LITAF: variants seen among roughly 807,000 people sequenced by gnomAD.
LITAF encodes lipopolysaccharide induced TNF factor.
A neutral mutation model predicts 14.5 loss-of-function variants in LITAF; 9 were observed. The observed-to-expected ratio is 0.62, with a 90% CI of 0.37 to 1.08. The LOEUF (loss-of-function observed/expected upper bound fraction) is 1.08, where lower values mean the gene tolerates loss of function less well. LITAF is among the 50% of genes least tolerant of loss of function. The pLI is 0.01. For synonymous variants in LITAF, 98 were observed against 88.2 expected (o/e 1.11, Z -0.62); for missense variants, 206 against 213.4 (o/e 0.97, Z 0.22).
At chr16:11,579,091 A>G (rs1308155205) in intron 1 of LITAF, among the ~76,000 whole-genome samples, 1 of 152,152 alleles carries the variant, frequency 6.6e-6, no homozygotes, top group Admixed American at 6.5e-5. Flanking sequence ...CGGGAGGCTG[A>G]GGCAGGAGAG....
intron 3 of LITAF, among the ~76,000 whole-genome samples, chr16:11,612,028 G>A (rs534870114): frequency 1.3e-5 from 2 of 152,258 alleles, no homozygotes; most frequent in South Asian, 2.1e-4. Flanking sequence ...CCCATCCAAC[G>A]CAACTTAATG....
chr16:11,629,916 A>G (rs1458425173), intron 3 of LITAF, among the ~76,000 whole-genome samples: 1 of 152,166 alleles, frequency 6.6e-6, no homozygotes, highest in East Asian at 1.9e-4. Flanking sequence ...CTCTGCAAAC[A>G]TCTCCAAGTG....
intron 1 of LITAF, among the ~76,000 whole-genome samples, chr16:11,573,721 T>TC (rs2064583295): frequency 1.5e-5 from 2 of 130,908 alleles, no homozygotes; most frequent in Non-Finnish European, 3.3e-5. Context: ...TTTTTTTTTT[T>TC]TTAGGAGTCT....
rs868351077 is a variant in LITAF at position 11,631,853 on chromosome 16, C to T, written c.85+1680G>A. Among the ~76,000 whole-genome samples the T allele has an allele frequency of 2.7e-3, 357 of 134,518 alleles. 1 individual carries two copies. Among genetic ancestry groups the T allele is most frequent in the African/African-American group, 8.7e-3 (324 of 37,072 alleles). The allele number at this position is 134,518 out of a possible 152,430, so 88.2% of individuals were successfully genotyped here. ...CAAAGACCCTATTTTCTTTTCTTTT[C>T]TTTTTTTTTTTTTTTGAGACGGAGT... On this transcript the variant is annotated intron_variant, in intron 3 of 3. Coordinates refer to the LITAF transcript ENST00000574848.
At chr16:11,578,765 A>T (rs2064684559) in intron 1 of LITAF, among the ~76,000 whole-genome samples, 1 of 152,248 alleles carries the variant, frequency 6.6e-6, no homozygotes, top group South Asian at 2.1e-4. Context: ...CATGAGAAAA[A>T]TATCAGACAA....
Position 11,598,243 on chromosome 16 carries a change from T to C in LITAF, c.-6+145A>G, listed in dbSNP as rs145585350. The C allele has an allele frequency of 6.4e-3, 971 of 151,550 alleles. 9 individuals carry two copies. The highest frequency in any genetic ancestry group is 9.0e-3 in the Non-Finnish European group (610 of 68,070). 9.4% of individuals were successfully genotyped at this position (151,550 alleles called of 1,614,324 possible). On this transcript the variant is annotated intron_variant, in intron 1 of 3. Transcript: ENST00000571627. ...TCTCCATGCAAGTTTCTCTCCTCTC[T>C]TGGGGCACCCACTGAGGCCCCACTG...
intron 3 of LITAF, chr16:11,551,933 T>A (rs62022850): frequency 6.6e-5 from 28 of 422,784 alleles, no homozygotes; most frequent in African/African-American, 4.4e-4. Flanking sequence ...TTTTTTTTTT[T>A]AAGCATTTTC....
intron 1 of LITAF, chr16:11,636,094 G>A (rs2065136946): frequency 6.6e-6 from 1 of 152,248 alleles, no homozygotes; most frequent in Non-Finnish European, 1.5e-5. Flanking sequence ...CCCAGGCTCT[G>A]AGCTCCATCC....
intron 3 of LITAF, among the ~76,000 whole-genome samples, chr16:11,629,888 G>A (rs576888188): frequency 6.6e-5 from 10 of 152,178 alleles, no homozygotes; most frequent in Non-Finnish European, 1.2e-4. Flanking sequence ...CGCATGGCAA[G>A]TGCTCAACAA....
At chr16:11,572,822 G>T (rs962736003) in intron 1 of LITAF, among the ~76,000 whole-genome samples, 1 of 152,144 alleles carries the variant, frequency 6.6e-6, no homozygotes. Flanking sequence ...GTAACGCAGC[G>T]GTGTCAGAGA....
Position 11,632,311 on chromosome 16 carries a change from C to T in LITAF, c.85+1222G>A, listed in dbSNP as rs1163558077. On this transcript the variant is annotated intron_variant, in intron 3 of 3. Transcript: ENST00000574848. This position sits in a 1 kb window ranked among gnomAD's most constrained non-coding sequence, Gnocchi z 4.8. ...TAGGCAATCCGCTGGCCCCTCCCCA[C>T]ATGGACTGAGAAAGGTGAGGACGAC... Among the ~76,000 whole-genome samples, 1 of 152,072 alleles carries T rather than the reference C, an allele frequency of 6.6e-6. No homozygotes were observed. The highest frequency in any genetic ancestry group is 2.4e-5 in the African/African-American group (1 of 41,406).
At chr16:11,636,062 G>C (rs915529682) in intron 1 of LITAF, 1 of 152,340 alleles carries the variant, frequency 6.6e-6, no homozygotes, top group African/African-American at 2.4e-5. Context: ...TCTGTACTGG[G>C]CACGAACATT....
At chr16:11,606,615 G>C (rs2064956241) in intron 3 of LITAF, among the ~76,000 whole-genome samples, 1 of 151,952 alleles carries the variant, frequency 6.6e-6, no homozygotes, top group African/African-American at 2.4e-5. Flanking sequence ...TATTGTGGTG[G>C]TCTGGAACCA....
At chr16:11,573,110 G>C (rs2064571874) in intron 1 of LITAF, among the ~76,000 whole-genome samples, 1 of 151,762 alleles carries the variant, frequency 6.6e-6, no homozygotes, top group Non-Finnish European at 1.5e-5. Context: ...TTGTATTTTT[G>C]GTAGAGATGG....
At chr16:11,594,312 T>C (rs1322661297) in intron 1 of LITAF, among the ~76,000 whole-genome samples, 1 of 152,188 alleles carries the variant, frequency 6.6e-6, no homozygotes, top group Non-Finnish European at 1.5e-5. Context: ...CCCAATTTTT[T>C]TTTTAACATA....
At chr16:11,594,733 G>A (rs1047632068) in intron 1 of LITAF, among the ~76,000 whole-genome samples, 5 of 151,802 alleles carry the variant, frequency 3.3e-5, no homozygotes, top group Admixed American at 6.6e-5. Flanking sequence ...AAAATTAGCC[G>A]GGCATGGTGG....
chr16:11,580,115 T>C (rs1198982245), intron 1 of LITAF, among the ~76,000 whole-genome samples: 1 of 152,228 alleles, frequency 6.6e-6, no homozygotes, highest in Non-Finnish European at 1.5e-5. Flanking sequence ...TTAGAGATGC[T>C]GAACCAGTAA....
intron 1 of LITAF, among the ~76,000 whole-genome samples, chr16:11,582,598 C>T (rs766750179): frequency 2.0e-5 from 3 of 152,086 alleles, no homozygotes; most frequent in Admixed American, 6.6e-5. Flanking sequence ...CTAAGCTAGG[C>T]CCATGAATAT....
chr16:11,568,069 C>A (rs948847062), intron 1 of LITAF, among the ~76,000 whole-genome samples: 5 of 152,092 alleles, frequency 3.3e-5, no homozygotes, highest in Non-Finnish European at 7.4e-5. Flanking sequence ...GGGAGGATGG[C>A]ATGAGCCCAG....
Sources: gnomAD v4.1 joint callset for allele counts (sites outside exome capture counted in the v4.1 genomes callset) on GRCh38, gnomAD v4.1.1 for gene constraint, Gnocchi (gnomAD v3.1) non-coding constraint, MANE v1.5 for transcripts, NCBI Gene and HGNC (gene_info 2026-07-23, HGNC 2026-07-21) for gene names.